The following ALPK1 variants were observed in gnomAD, a reference collection of about 807,000 sequenced individuals.
ALPK1 encodes the protein alpha kinase 1.
Under a neutral mutation model 120.6 loss-of-function variants are expected in ALPK1, and 110 were observed. That is an observed-to-expected ratio of 0.91 (90% CI 0.78 to 1.07). The LOEUF (loss-of-function observed/expected upper bound fraction) is 1.07, where lower values mean the gene tolerates loss of function less well. ALPK1 is among the 50% of genes least tolerant of loss of function. The pLI, the probability that ALPK1 is intolerant of heterozygous loss-of-function variation, is 0.00. For synonymous variants in ALPK1, 582 were observed against 560.3 expected, an observed-to-expected ratio of 1.04 and a Z score of -0.55; for missense variants, 1,498 against 1,483.9, an observed-to-expected ratio of 1.01 and a Z score of -0.16.
At chr4:112,441,161 A>G in intron 15 of ALPK1, 42 bp from the exon 16 acceptor site, 1 of 1,613,620 alleles carries the variant, frequency 6.2e-7, no homozygotes, top group Non-Finnish European at 8.5e-7. Context: ...ATGCTCTCAA[A>G]TATCTGGTGA....
chr4:112,390,354 A>G (rs1271776111), intron 4 of ALPK1, among the ~76,000 whole-genome samples: 1 of 152,054 alleles, frequency 6.6e-6, no homozygotes, highest in African/African-American at 2.4e-5. Flanking sequence ...GCCTGCCCTG[A>G]TCTCTGGGAC....
intron 2 of ALPK1, among the ~76,000 whole-genome samples, chr4:112,317,806 A>G (rs1054493558): frequency 4.6e-5 from 7 of 152,184 alleles, no homozygotes; most frequent in Admixed American, 2.6e-4. Context: ...TGTATGAACA[A>G]TTTTATATTT....
Position 112,432,182 on chromosome 4 carries a change from C to T in ALPK1, c.2635C>T (p.Gln879Ter). 1 of 1,614,226 alleles carries T rather than the reference C, an allele frequency of 6.2e-7. No individual in the cohort carries two copies. The highest frequency in any genetic ancestry group is 8.5e-7 in the Non-Finnish European group (1 of 1,180,044). ...HGSHRLCILR[Q>*]PPGQRAETPN... The stretch of plus-strand genomic sequence containing the variant: ...CTCTCATAGACTGTGCATTCTGAGA[C>T]AGCCGCCTGGTCAGAGGGCGGAGAC... The change falls in exon 11 of 16, where the codon CAG becomes TAG. Residue 879 changes from glutamine to a stop codon, truncating the protein, a stop_gained. Transcript: ENST00000650871. LOFTEE classifies it high-confidence loss of function.
intron 4 of ALPK1, among the ~76,000 whole-genome samples, chr4:112,397,832 A>G (rs937225363): frequency 1.3e-5 from 2 of 152,090 alleles, no homozygotes; most frequent in African/African-American, 4.8e-5. Context: ...CTTAAAATAT[A>G]TATATTCCTA....
chr4:112,324,954 T>A, intron 2 of ALPK1, among the ~76,000 whole-genome samples: 2 of 106,900 alleles, frequency 1.9e-5, no homozygotes, highest in Admixed American at 1.3e-4. Flanking sequence ...AGAAGGAGAG[T>A]CACTGAGGAA....
Position 112,438,629 on chromosome 4 carries a change from C to A in ALPK1, c.3334C>A (p.Pro1112Thr), listed in dbSNP as rs1734891358. Reference sequence around the variant, plus strand: ...CATTCCCACCCAGATATTCTACATCCCATCCACAATACTACTGGTAAGATT... The same window carrying A: ...CATTCCCACCCAGATATTCTACATCACATCCACAATACTACTGGTAAGATT... ...QNIPTQIFYI[P>T]STILLILEDK... The change falls in exon 13 of 16, where the codon CCA becomes ACA. Residue 1112 changes from proline to threonine, a missense_variant. Pro to Thr is a conservative substitution (Grantham distance 38, BLOSUM62 -1). Transcript: ENST00000650871. 1 of 1,613,524 alleles carries A rather than the reference C, an allele frequency of 6.2e-7. No homozygotes were observed. The highest frequency in any genetic ancestry group is 2.2e-5 in the East Asian group (1 of 44,870).
intron 9 of ALPK1, chr4:112,427,883 CA>C (rs906917166): frequency 3.4e-5 from 13 of 386,392 alleles, no homozygotes; most frequent in African/African-American, 4.0e-5. Flanking sequence ...AGAGAGTGCT[CA>C]GAAAGTTACT....
chr4:112,298,644 CA>C (rs757465190), intron 1 of ALPK1, among the ~76,000 whole-genome samples: 3 of 152,126 alleles, frequency 2.0e-5, no homozygotes, highest in African/African-American at 4.8e-5. Context: ...TTAAACTTTT[CA>C]AAATCTATTT....
intron 4 of ALPK1, among the ~76,000 whole-genome samples, chr4:112,387,719 G>A (rs140481135): frequency 3.7e-4 from 56 of 152,248 alleles, no homozygotes; most frequent in African/African-American, 1.3e-3. Context: ...GTTTCTTTAT[G>A]CTATTTTGTG....
intron 10 of ALPK1, among the ~76,000 whole-genome samples, chr4:112,430,106 T>A (rs1444274082): frequency 6.6e-6 from 1 of 152,170 alleles, no homozygotes; most frequent in Non-Finnish European, 1.5e-5. Context: ...TTATATCCAT[T>A]TCCATGGATA....
rs188220376 is a variant in ALPK1 at position 112,328,719 on chromosome 4, T to C, written c.-101+12867T>C. Among the ~76,000 whole-genome samples, 27 of 152,330 alleles carry C rather than the reference T, an allele frequency of 1.8e-4. No individual in the cohort carries two copies. In the East Asian group the frequency reaches 4.8e-3, roughly 27 times the overall value. On this transcript the variant is annotated intron_variant, in intron 2 of 15. Transcript: ENST00000650871. ...TTAAAATTCTACTTTGGAGGACTAG[T>C]TTTACTGTCCCGGGTCACAATTGCA...
At chr4:112,424,498 G>A (rs1175157227) in intron 6 of ALPK1, among the ~76,000 whole-genome samples, 1 of 152,172 alleles carries the variant, frequency 6.6e-6, no homozygotes, top group Admixed American at 6.5e-5. Flanking sequence ...ATGAAAGGAG[G>A]CAAGACCTAA....
intron 4 of ALPK1, chr4:112,384,023 T>A (rs1466353104): frequency 6.6e-6 from 1 of 152,250 alleles, no homozygotes; most frequent in Non-Finnish European, 1.5e-5. Context: ...GTCTACTAAA[T>A]GTATATTGCT....
At chr4:112,322,170 CTGATAATG>C in intron 2 of ALPK1, among the ~76,000 whole-genome samples, 1 of 152,270 alleles carries the variant, frequency 6.6e-6, no homozygotes, top group South Asian at 2.1e-4. Context: ...TTCAGATAAT[CTGATAATG>C]TACTTATAAA....
chr4:112,304,448 G>C (rs919457913), intron 1 of ALPK1, among the ~76,000 whole-genome samples: 6 of 152,082 alleles, frequency 3.9e-5, no homozygotes, highest in African/African-American at 1.2e-4. Flanking sequence ...CATTCTAACT[G>C]GTGTGAGATG....
chr4:112,397,567 C>T (rs1039118005), intron 4 of ALPK1, among the ~76,000 whole-genome samples: 3 of 152,196 alleles, frequency 2.0e-5, no homozygotes, highest in Non-Finnish European at 4.4e-5. Context: ...TTTAAAAGAG[C>T]TTAGGGGCCA....
At chr4:112,357,829 G>T in intron 2 of ALPK1, 5 of 1,031,886 alleles carry the variant, frequency 4.8e-6, no homozygotes, top group Non-Finnish European at 7.6e-6. Flanking sequence ...AAAGAGCCTG[G>T]AGTTCTGGCA....
intron 1 of ALPK1, among the ~76,000 whole-genome samples, chr4:112,306,729 G>GT (rs1728081914): frequency 1.3e-5 from 2 of 151,858 alleles, no homozygotes; most frequent in Non-Finnish European, 2.9e-5. Context: ...TTTTTGAAGG[G>GT]TTTTTTGTGT....
intron 2 of ALPK1, among the ~76,000 whole-genome samples, chr4:112,316,733 G>T (rs1728650178): frequency 1.3e-5 from 2 of 151,778 alleles, no homozygotes; most frequent in African/African-American, 4.8e-5. Flanking sequence ...GTGATATTGG[G>T]GACTTTTTCT....
Sources: allele counts gnomAD v4.1 joint callset (sites outside exome capture counted in the v4.1 genomes callset), GRCh38; gene constraint gnomAD v4.1.1; transcripts MANE v1.5; gene names NCBI Gene and HGNC (gene_info 2026-07-23, HGNC 2026-07-21).